The following TMEM132D variants were observed in gnomAD, a reference collection of about 807,000 sequenced individuals.
TMEM132D encodes mature OL transmembrane protein.
Under a neutral mutation model 62.3 loss-of-function variants are expected in TMEM132D, and 21 were observed. The observed-to-expected ratio is 0.34, with a 90% confidence interval of 0.24 to 0.49. The LOEUF is 0.49. Among genes scored for constraint, TMEM132D ranks in the 20% least tolerant of loss-of-function variants. The pLI is 0.99. For missense variants in TMEM132D, 1,346 were observed against 1,402.8 expected (o/e 0.96, Z 0.65); for synonymous variants, 621 against 575.6 (o/e 1.08, Z -1.13).
chr12:129,558,752 C>T (rs146616996), intron 2 of TMEM132D, among the ~76,000 whole-genome samples: 60 of 152,276 alleles, frequency 3.9e-4, no homozygotes, highest in African/African-American at 1.4e-3. Context: ...CCTAAGGAGA[C>T]GGGTCCATGG....
intron 3 of TMEM132D, among the ~76,000 whole-genome samples, chr12:129,404,581 G>A (rs1871720079): frequency 6.6e-6 from 1 of 152,236 alleles, no homozygotes; most frequent in Non-Finnish European, 1.5e-5. Context: ...ACCAGCATCT[G>A]CTCCTGTGGA....
intron 2 of TMEM132D, among the ~76,000 whole-genome samples, chr12:129,638,019 G>A (rs776493282): frequency 1.3e-5 from 2 of 152,162 alleles, no homozygotes; most frequent in Non-Finnish European, 2.9e-5. Context: ...GGTGAGGACA[G>A]AGCAGGTATT....
intron 1 of TMEM132D, among the ~76,000 whole-genome samples, chr12:129,753,957 T>C (rs1870081352): frequency 2.0e-5 from 3 of 152,346 alleles, no homozygotes; most frequent in South Asian, 2.1e-4. Context: ...AGCCGTCAAA[T>C]TCCCCTTTAT....
At chr12:129,835,889 A>C (rs1292577555) in intron 1 of TMEM132D, among the ~76,000 whole-genome samples, 5 of 152,172 alleles carry the variant, frequency 3.3e-5, no homozygotes. Context: ...TCTCTTCCCC[A>C]CCATGGGAAG....
At chr12:129,148,037 G>C (rs1344649102) in intron 5 of TMEM132D, among the ~76,000 whole-genome samples, 1 of 152,122 alleles carries the variant, frequency 6.6e-6, no homozygotes, top group Non-Finnish European at 1.5e-5. Flanking sequence ...TCCCAGGTAG[G>C]CTTAGACACC....
At chr12:129,635,730 C>A (rs147730549) in intron 2 of TMEM132D, among the ~76,000 whole-genome samples, 1 of 152,272 alleles carries the variant, frequency 6.6e-6, no homozygotes, top group East Asian at 1.9e-4. Flanking sequence ...AAGAGCCAAG[C>A]TCTGTAAAAT....
intron 2 of TMEM132D, among the ~76,000 whole-genome samples, chr12:129,548,431 T>C (rs912491098): frequency 1.3e-5 from 2 of 152,216 alleles, no homozygotes; most frequent in African/African-American, 2.4e-5. Context: ...GTCTCCCTTA[T>C]GGTCTATTAA....
At chr12:129,268,106 T>C (rs1225463731) in intron 4 of TMEM132D, among the ~76,000 whole-genome samples, 1 of 152,160 alleles carries the variant, frequency 6.6e-6, no homozygotes, top group Non-Finnish European at 1.5e-5. Context: ...GGCAATACCA[T>C]TCAGGACATA....
At chr12:129,737,659 G>A (rs962012357) in intron 1 of TMEM132D, among the ~76,000 whole-genome samples, 8 of 152,182 alleles carry the variant, frequency 5.3e-5, no homozygotes, top group Admixed American at 1.3e-4. Flanking sequence ...CTCATGTACA[G>A]ACCATCTCTG....
chr12:129,394,931 C>T (rs1371373869), intron 3 of TMEM132D, among the ~76,000 whole-genome samples: 3 of 152,150 alleles, frequency 2.0e-5, no homozygotes, highest in Admixed American at 6.6e-5. Flanking sequence ...TGTAAACACA[C>T]GAACAGTCTT....
chr12:129,237,957 A>T (rs1413951625), intron 4 of TMEM132D, among the ~76,000 whole-genome samples: 2 of 152,174 alleles, frequency 1.3e-5, no homozygotes, highest in Non-Finnish European at 2.9e-5. Context: ...TAAATATGTG[A>T]ATCAGGTCAA....
intron 2 of TMEM132D, among the ~76,000 whole-genome samples, chr12:129,546,033 T>C (rs1388635829): frequency 6.6e-6 from 1 of 152,104 alleles, no homozygotes; most frequent in Non-Finnish European, 1.5e-5. Context: ...TGGGGTTCGA[T>C]CATCACAGGT....
chr12:129,431,096 C>T (rs1038301265), intron 3 of TMEM132D, among the ~76,000 whole-genome samples: 4 of 152,200 alleles, frequency 2.6e-5, no homozygotes, highest in Admixed American at 6.5e-5. Context: ...GAGAAGAGAG[C>T]GGCTGCTACG....
chr12:129,453,171 A>G (rs1450479660), intron 3 of TMEM132D, among the ~76,000 whole-genome samples: 3 of 152,202 alleles, frequency 2.0e-5, no homozygotes, highest in African/African-American at 7.2e-5. Flanking sequence ...GTCTGAAACC[A>G]TCACCCACCT....
intron 1 of TMEM132D, among the ~76,000 whole-genome samples, chr12:129,837,604 T>C (rs1285122163): frequency 6.6e-6 from 1 of 152,178 alleles, no homozygotes; most frequent in African/African-American, 2.4e-5. Flanking sequence ...TTATTCCCAC[T>C]CCAAACTTGC....
At chr12:129,415,720 G>T (rs1198904649) in intron 3 of TMEM132D, among the ~76,000 whole-genome samples, 1 of 152,184 alleles carries the variant, frequency 6.6e-6, no homozygotes, top group Admixed American at 6.5e-5. Flanking sequence ...TCGGTTTCCA[G>T]TCAGGCCACA....
At chr12:129,575,316 C>A (rs568155698) in intron 2 of TMEM132D, among the ~76,000 whole-genome samples, 2 of 151,808 alleles carry the variant, frequency 1.3e-5, no homozygotes, top group Non-Finnish European at 2.9e-5. Flanking sequence ...AAAGTCATTC[C>A]GCCGGTCCTG....
chr12:129,138,869 G>A (rs1434119894), intron 5 of TMEM132D, among the ~76,000 whole-genome samples: 1 of 152,186 alleles, frequency 6.6e-6, no homozygotes, highest in African/African-American at 2.4e-5. Flanking sequence ...CAGGAAGCTG[G>A]TTTGCCCATG....
chr12:129,384,709 C>T (rs1239997556), intron 3 of TMEM132D, among the ~76,000 whole-genome samples: 1 of 152,180 alleles, frequency 6.6e-6, no homozygotes, highest in African/African-American at 2.4e-5. Flanking sequence ...CACTGCAGAC[C>T]TCCTGAGTCA....
Sources: allele counts gnomAD v4.1 joint callset (sites outside exome capture counted in the v4.1 genomes callset), GRCh38; gene constraint gnomAD v4.1.1; transcripts MANE v1.5; gene names NCBI Gene and HGNC (gene_info 2026-07-23, HGNC 2026-07-21).